CDH23: variants seen among roughly 807,000 people sequenced by gnomAD.
CDH23 encodes cadherin-23.
A neutral mutation model predicts 317.1 loss-of-function variants in CDH23; 189 were observed. That is an observed-to-expected ratio of 0.60 (90% CI 0.53 to 0.67). The LOEUF (loss-of-function observed/expected upper bound fraction) is 0.67. Among genes scored for constraint, CDH23 ranks in the 30% least tolerant of loss-of-function variants. The pLI is 0.00. For synonymous variants in CDH23, 1,839 were observed against 1,876.8 expected, an observed-to-expected ratio of 0.98 and a Z score of 0.52; for missense variants, 4,401 against 4,592.4, an observed-to-expected ratio of 0.96 and a Z score of 1.20.
intron 6 of CDH23, among the ~76,000 whole-genome samples, chr10:71,521,080 AC>A (rs1246852942): frequency 1.3e-5 from 2 of 151,810 alleles, no homozygotes; most frequent in African/African-American, 4.8e-5. Flanking sequence ...AGTGGAAGCC[AC>A]CTGTCCATCT....
Position 71,730,452 on chromosome 10 carries a change from T to G in CDH23, c.3580-17T>G, listed in dbSNP as rs745693827. On this transcript the variant is annotated splice_polypyrimidine_tract_variant and intron_variant, in intron 30 of 69. Coordinates refer to ENST00000224721, the MANE Select transcript of CDH23 (RefSeq NM_022124.6). ...CCACCCCACCCTGACCTTGCACCCC[T>G]GGCCCGGCTCCCACAGGTGATTGTG... 1 of 1,612,626 alleles carries G rather than the reference T, an allele frequency of 6.2e-7. No homozygotes were observed. The highest frequency in any genetic ancestry group is 1.3e-5 in the African/African-American group (1 of 74,882).
At chr10:71,785,999 T>C (rs1841096673) in intron 44 of CDH23, among the ~76,000 whole-genome samples, 1 of 152,174 alleles carries the variant, frequency 6.6e-6, no homozygotes, top group Non-Finnish European at 1.5e-5. Context: ...GGAGCCAATA[T>C]ATGTGAAAGC....
intron 53 of CDH23, among the ~76,000 whole-genome samples, chr10:71,801,577 T>G (rs1771474442): frequency 6.6e-6 from 1 of 152,184 alleles, no homozygotes; most frequent in Non-Finnish European, 1.5e-5. Flanking sequence ...CCCTTTTCTA[T>G]GCAAAGTCCC....
chr10:71,646,694 C>T, intron 14 of CDH23, 77 bp downstream of exon 14: 1 of 1,613,526 alleles, frequency 6.2e-7, no homozygotes, highest in East Asian at 2.2e-5. Flanking sequence ...GGATTTTGTC[C>T]AAGGGACCTC....
chr10:71,653,775 C>T (rs1463230071), intron 14 of CDH23, among the ~76,000 whole-genome samples: 1 of 152,176 alleles, frequency 6.6e-6, no homozygotes. Flanking sequence ...GTGTCCTGAC[C>T]CTCAGTCTCC....
At chr10:71,771,557 G>A (rs897920871) in intron 38 of CDH23, among the ~76,000 whole-genome samples, 2 of 152,202 alleles carry the variant, frequency 1.3e-5, no homozygotes, top group Non-Finnish European at 1.5e-5. Flanking sequence ...AGGGAGTTGG[G>A]TGAATATCTA....
chr10:71,621,115 G>C (rs557550663), intron 11 of CDH23, among the ~76,000 whole-genome samples: 4 of 152,302 alleles, frequency 2.6e-5, no homozygotes, highest in Admixed American at 2.6e-4. Context: ...AGAAAAATCA[G>C]GGAACCACAA....
chr10:71,743,249 GAC>G (rs1018884700), intron 38 of CDH23, among the ~76,000 whole-genome samples: 2 of 152,164 alleles, frequency 1.3e-5, no homozygotes, highest in Non-Finnish European at 2.9e-5. Flanking sequence ...AGAGTTCAGG[GAC>G]AGTTTTGTAA....
intron 30 of CDH23, among the ~76,000 whole-genome samples, chr10:71,727,706 C>T (rs1025114449): frequency 2.0e-5 from 3 of 152,194 alleles, no homozygotes; most frequent in Non-Finnish European, 4.4e-5. Flanking sequence ...CCTCCTCTCC[C>T]TGTCCTCCTA....
At chr10:71,508,047 A>G (rs1243994592) in intron 3 of CDH23, 1 of 152,238 alleles carries the variant, frequency 6.6e-6, no homozygotes, top group African/African-American at 2.4e-5. Context: ...GGATGCTGCC[A>G]TTTCCTGCTC....
rs113113394 is a variant in CDH23 at position 71,779,930 on chromosome 10, T to A, written c.5368+483T>A. On this transcript the variant is annotated intron_variant, in intron 41 of 69. Transcript: ENST00000224721. ...TTGGCCTTGAGGGCAACTTCTCAAG[T>A]CCATTTTCACTCATTACTATAGAGT... Among the ~76,000 whole-genome samples, 129 of 152,314 alleles carry A rather than the reference T, an allele frequency of 8.5e-4. 1 individual carries two copies. Among genetic ancestry groups the A allele is most frequent in the African/African-American group, 3.0e-3 (124 of 41,572 alleles).
At chr10:71,803,147 G>A in intron 54 of CDH23, 62 bp from the exon 55 acceptor site, 3 of 1,604,966 alleles carry the variant, frequency 1.9e-6, no homozygotes, top group Non-Finnish European at 2.6e-6. Flanking sequence ...CCCAGGCCAG[G>A]AGTAGAGGGA....
At chr10:71,632,112 A>T (rs532759685) in intron 11 of CDH23, among the ~76,000 whole-genome samples, 82 of 152,310 alleles carry the variant, frequency 5.4e-4, no homozygotes, top group Non-Finnish European at 8.8e-4. Flanking sequence ...TATACCAAAA[A>T]AAGTCAACTT....
At chr10:71,422,910 G>A (rs999601404) in intron 1 of CDH23, among the ~76,000 whole-genome samples, 1 of 152,208 alleles carries the variant, frequency 6.6e-6, no homozygotes, top group Non-Finnish European at 1.5e-5. Flanking sequence ...CACTGGGGGA[G>A]GGCAGAGCAG....
chr10:71,671,333 T>A (rs1442921501), intron 14 of CDH23, among the ~76,000 whole-genome samples: 1 of 152,160 alleles, frequency 6.6e-6, no homozygotes, highest in Non-Finnish European at 1.5e-5. Context: ...CCAATCCCTG[T>A]CACCATCTGG....
At chr10:71,613,510 C>A (rs888379356) in intron 9 of CDH23, among the ~76,000 whole-genome samples, 1 of 152,188 alleles carries the variant, frequency 6.6e-6, no homozygotes, top group Non-Finnish European at 1.5e-5. Context: ...CCTTGCCCAG[C>A]CCATACAGTG....
At position 71,397,141 on chromosome 10, in the gene CDH23, G is replaced by C. The variant is rs1363260946; in HGVS notation, c.-183G>C. On this transcript the variant is annotated 5_prime_UTR_variant, in exon 1 of 70. Transcript: ENST00000224721. The surrounding 1 kb of genome is among the most constrained non-coding windows in gnomAD (Gnocchi z 4.8). ...CCTGAAGTTGCGAGCGGCGAGCGGCGAGCGGCGAGCGGCCCGCGGAGACCC... is the reference window on the plus strand; with the variant it reads ...CCTGAAGTTGCGAGCGGCGAGCGGCCAGCGGCGAGCGGCCCGCGGAGACCC... The C allele has an allele frequency of 5.3e-6, 1 of 187,278 alleles. No homozygotes were observed. Among genetic ancestry groups the C allele is most frequent in the African/African-American group, 2.4e-5 (1 of 41,206 alleles). 11.6% of individuals were successfully genotyped at this position (187,278 alleles called of 1,614,324 possible).
chr10:71,637,849 C>T (rs967452792), intron 11 of CDH23, among the ~76,000 whole-genome samples: 2 of 151,568 alleles, frequency 1.3e-5, no homozygotes, highest in Non-Finnish European at 2.9e-5. Flanking sequence ...ACCCCCCGAC[C>T]CCAAACATAA....
At position 71,759,988 on chromosome 10, in the gene CDH23, T is replaced by TATATAC. The variant is rs1564779516; in HGVS notation, c.4846-17691_4846-17690insTATACA. ...ATATATATACACACACACATATATA[T>TATATAC]ACACACACACATACATATATATACA... is the stretch of plus-strand genomic sequence containing the variant. On this transcript the variant is annotated intron_variant, in intron 38 of 69. Transcript: ENST00000224721. Among the ~76,000 whole-genome samples the TATATAC allele has an allele frequency of 5.9e-4, 39 of 66,068 alleles. 10 individuals are homozygous for TATATAC. Among genetic ancestry groups the TATATAC allele is most frequent in the African/African-American group, 1.6e-3 (33 of 20,754 alleles). The allele number at this position is 66,068 out of a possible 152,430, so 43.3% of individuals were successfully genotyped here.
Sources: allele counts gnomAD v4.1 joint callset (sites outside exome capture counted in the v4.1 genomes callset), GRCh38; gene constraint gnomAD v4.1.1; non-coding constraint Gnocchi (gnomAD v3.1); transcripts MANE v1.5; gene names NCBI Gene and HGNC (gene_info 2026-07-23, HGNC 2026-07-21).